The following TRIM33 variants were observed in gnomAD, a reference collection of about 807,000 sequenced individuals.
The protein encoded by TRIM33 is tripartite motif containing 33, also known as E3 ubiquitin-protein ligase TRIM33.
TRIM33 carries 20 observed loss-of-function variants against 125.4 expected under a neutral mutation model. The ratio of observed to expected loss-of-function variants is 0.16; its 90% confidence interval spans 0.11 to 0.23. The LOEUF is 0.23. Ranked by LOEUF, TRIM33 falls within the 10% of genes least tolerant of loss-of-function variation. The probability of loss-of-function intolerance (pLI) is 1.00; values close to 1 mark genes in which losing one functional copy is unlikely to be tolerated. For synonymous variants in TRIM33, 564 were observed against 513.9 expected, an observed-to-expected ratio of 1.10 and a Z score of -1.32; for missense variants, 920 against 1,411.4, an observed-to-expected ratio of 0.65 and a Z score of 5.58.
At chr1:114,474,888 T>C (rs1260086781) in intron 1 of TRIM33, among the ~76,000 whole-genome samples, 1 of 148,156 alleles carries the variant, frequency 6.7e-6, no homozygotes, top group Admixed American at 6.7e-5. Context: ...GCGAAAACTC[T>C]ATCTCAAAAA....
rs192417276 is a variant in TRIM33, at chr1:114,450,663, G to C, written c.923+12441C>G. 6.6e-5 allele frequency among the ~76,000 whole-genome samples: 10 copies of C among 152,256 alleles called. No individual in the cohort carries two copies. The East Asian group carries it at 1.9e-3, about 29-fold the overall frequency. On this transcript the variant is annotated intron_variant, in intron 4 of 19. Transcript: ENST00000358465. ...CTGCCTTGGCCTCCCAAAGTGCTAG[G>C]ACTACAGGTATGAGCCACCATGTCT...
intron 6 of TRIM33, among the ~76,000 whole-genome samples, chr1:114,430,502 A>G (rs1207261709): frequency 2.0e-5 from 3 of 152,150 alleles, no homozygotes; most frequent in Non-Finnish European, 4.4e-5. Context: ...TTGGGCTCCC[A>G]AAGTGTTGGG....
At chr1:114,403,071 G>A (rs556830214) in intron 15 of TRIM33, among the ~76,000 whole-genome samples, 188 bp from the exon 16 acceptor site, 1 of 152,102 alleles carries the variant, frequency 6.6e-6, no homozygotes, top group Non-Finnish European at 1.5e-5. Flanking sequence ...TCCTAGTCAC[G>A]CATCAATTGA....
intron 7 of TRIM33, 43 bp from the exon 8 acceptor site, chr1:114,427,337 C>T (rs1372310324): frequency 2.0e-6 from 2 of 1,020,390 alleles, no homozygotes; most frequent in Non-Finnish European, 3.0e-6. Flanking sequence ...AATTAAATAT[C>T]AATTGGGAAA....
chr1:114,411,298 G>GTC (rs1652573543), intron 11 of TRIM33, among the ~76,000 whole-genome samples: 2 of 152,084 alleles, frequency 1.3e-5, no homozygotes, highest in Admixed American at 1.3e-4. Flanking sequence ...GCACACCTTA[G>GTC]TCTCCCAAAG....
At chr1:114,462,534 T>C (rs182958524) in intron 4 of TRIM33, among the ~76,000 whole-genome samples, 1 of 152,324 alleles carries the variant, frequency 6.6e-6, no homozygotes, top group Admixed American at 6.5e-5. Flanking sequence ...TACTGAAGGA[T>C]ATTGTTACAC....
chr1:114,502,620 C>T (rs1020085995), intron 1 of TRIM33, among the ~76,000 whole-genome samples: 12 of 152,278 alleles, frequency 7.9e-5, no homozygotes, highest in Non-Finnish European at 1.0e-4. Flanking sequence ...GATCCTCCCA[C>T]CTCAGCATCC....
chr1:114,505,341 C>A (rs1290881565), intron 1 of TRIM33, among the ~76,000 whole-genome samples: 2 of 152,068 alleles, frequency 1.3e-5, no homozygotes, highest in Non-Finnish European at 2.9e-5. Flanking sequence ...AGTCCCCAAA[C>A]CAGTTAAGTC....
chr1:114,473,348 G>A (rs1234034814), intron 1 of TRIM33, among the ~76,000 whole-genome samples: 3 of 151,978 alleles, frequency 2.0e-5, no homozygotes, highest in Non-Finnish European at 2.9e-5. Context: ...AATGGTGAAC[G>A]CACACCTGGA....
At chr1:114,461,274 TTTA>T (rs901407832) in intron 4 of TRIM33, among the ~76,000 whole-genome samples, 126 of 144,572 alleles carry the variant, frequency 8.7e-4, no homozygotes, top group Non-Finnish European at 1.4e-3. Context: ...ATATTATATA[TTTA>T]TTATTATTAT....
intron 4 of TRIM33, among the ~76,000 whole-genome samples, chr1:114,434,353 T>C (rs1572050735): frequency 6.6e-6 from 1 of 152,188 alleles, no homozygotes; most frequent in African/African-American, 2.4e-5. Flanking sequence ...AACATGCAAA[T>C]TTACATCTGA....
Position 114,393,046 on chromosome 1 carries a change from G to T in TRIM33, c.*4602C>A. ...TTAAATATGATTATTTAGAGAATAC[G>T]ATACCACAGAAACAGCACTTTTTAA... On this transcript the variant is annotated 3_prime_UTR_variant, in exon 20 of 20. Transcript: ENST00000358465. 5.0e-6 allele frequency: 1 copy of T among 199,694 alleles called. No homozygotes were observed. The highest frequency in any genetic ancestry group is 1.0e-5 in the Non-Finnish European group (1 of 96,440). The allele number at this position is 199,694 out of a possible 1,614,324, so 12.4% of individuals were successfully genotyped here.
intron 11 of TRIM33, among the ~76,000 whole-genome samples, chr1:114,417,175 G>T (rs1010304304): frequency 1.3e-5 from 2 of 152,178 alleles, no homozygotes; most frequent in Non-Finnish European, 2.9e-5. Context: ...AGACAAAGTA[G>T]ATTAGTGGTT....
intron 11 of TRIM33, among the ~76,000 whole-genome samples, chr1:114,412,355 C>T (rs1455786403): frequency 6.6e-6 from 1 of 152,188 alleles, no homozygotes; most frequent in East Asian, 1.9e-4. Context: ...TTACAAATGA[C>T]ATTAAGGTAT....
intron 11 of TRIM33, among the ~76,000 whole-genome samples, chr1:114,419,216 A>AG (rs1208230540): frequency 1.5e-4 from 22 of 151,380 alleles, no homozygotes; most frequent in South Asian, 2.1e-4. Context: ...AAAAAAAAAA[A>AG]AAAAAGAAAG....
chr1:114,399,278 C>T (rs1284150008), intron 18 of TRIM33, among the ~76,000 whole-genome samples, 179 bp downstream of exon 18: 1 of 151,940 alleles, frequency 6.6e-6, no homozygotes, highest in African/African-American at 2.4e-5. Flanking sequence ...TAAGTATATA[C>T]TCCAAATTAT....
intron 5 of TRIM33, among the ~76,000 whole-genome samples, chr1:114,432,043 A>C (rs2101190157): frequency 6.6e-6 from 1 of 152,338 alleles, no homozygotes; most frequent in East Asian, 1.9e-4. Flanking sequence ...ATGTACATTA[A>C]AAAATAATGG....
At position 114,420,495 on chromosome 1, in the gene TRIM33, G is replaced by A. The variant is rs888934588; in HGVS notation, c.2061+941C>T. On this transcript the variant is annotated intron_variant, in intron 11 of 19. Coordinates refer to ENST00000358465, the MANE Select transcript of TRIM33 (RefSeq NM_015906.4). ...GGGAGTAACTAGCCTTTTAGCAAAA[G>A]TGATATTAATCCACCATTATTGTAC... 3.9e-6 allele frequency: 4 copies of A among 1,020,132 alleles called. No individual in the cohort carries two copies. The African/African-American group carries it at 6.6e-5, about 17-fold the overall frequency. The allele number at this position is 1,020,132 out of a possible 1,614,324, so 63.2% of individuals were successfully genotyped here.
intron 12 of TRIM33, among the ~76,000 whole-genome samples, chr1:114,409,933 T>C (rs967550621): frequency 1.1e-4 from 16 of 152,074 alleles, no homozygotes; most frequent in African/African-American, 3.9e-4. Flanking sequence ...TACCTCCTCA[T>C]GCCCCAAAGA....
Sources: gnomAD v4.1 joint callset for allele counts (sites outside exome capture counted in the v4.1 genomes callset) on GRCh38, gnomAD v4.1.1 for gene constraint, MANE v1.5 for transcripts, NCBI Gene and HGNC (gene_info 2026-07-23, HGNC 2026-07-21) for gene names.